The following PPP1R3E variants were observed in gnomAD, a reference collection of about 807,000 sequenced individuals.
The protein encoded by PPP1R3E is protein phosphatase 1, regulatory (inhibitor) subunit 3E.
PPP1R3E carries 20 observed loss-of-function variants against 18.5 expected under a neutral mutation model. That is an observed-to-expected ratio of 1.08 (90% CI 0.76 to 1.58). PPP1R3E has a LOEUF of 1.58. Ranked by LOEUF, PPP1R3E falls within the 40% of genes most tolerant of loss-of-function variation. The probability of loss-of-function intolerance (pLI) is 0.00; values close to 1 mark genes in which losing one functional copy is unlikely to be tolerated. For missense variants in PPP1R3E, 498 were observed against 460.2 expected, an observed-to-expected ratio of 1.08 and a Z score of -0.75; for synonymous variants, 208 against 208.1, an observed-to-expected ratio of 1.00 and a Z score of 0.00.
chr14:23,301,941 G>C, intron 1 of PPP1R3E, 83 bp from the exon 2 acceptor site: 1 of 1,337,976 alleles, frequency 7.5e-7, no homozygotes. Flanking sequence ...CAAGGCACTG[G>C]ACCAATCAGA....
In PPP1R3E at chr14:23,301,758, C is replaced by A; in HGVS notation, c.518G>T (p.Gly173Val). ...CLERAEAGPL[G>V]VAGSARVVDL... The stretch of plus-strand genomic sequence containing the variant: ...CACCACGCGCGCGCTCCCGGCCACG[C>A]CCAGCGGGCCCGCCTCGGCGCGTTC... The change falls in exon 2 of 5, where the codon GGC becomes GTC. Residue 173 changes from glycine (G) to valine (V), a missense_variant. Transcript: ENST00000452015. 2.1e-6 allele frequency: 3 copies of A among 1,423,224 alleles called. No individual in the cohort carries two copies. The highest frequency in any genetic ancestry group is 2.7e-6 in the Non-Finnish European group (3 of 1,092,222). 88.2% of individuals were successfully genotyped at this position (1,423,224 alleles called of 1,614,324 possible). A position where few individuals can be genotyped will look rare whatever the true frequency, so the allele number is the denominator to read the frequency against.
In PPP1R3E at chr14:23,302,753, C is replaced by G. The variant is rs1887082887; in HGVS notation, c.-177G>C. ...TCCTCCACCTCCCGTTGCTTTGCCT[C>G]TCCTCTGTGACCACCCTTCCCTCCC... On this transcript the variant is annotated 5_prime_UTR_variant, in exon 1 of 5. Transcript: ENST00000452015. The G allele has an allele frequency of 1.6e-6, 1 of 615,412 alleles. No individual in the cohort carries two copies. Among genetic ancestry groups the G allele is most frequent in the Admixed American group, 4.0e-5 (1 of 24,742 alleles). 38.1% of individuals were successfully genotyped at this position (615,412 alleles called of 1,614,324 possible).
In PPP1R3E at chr14:23,301,586, A is replaced by T; in HGVS notation, c.690T>A (p.Ile230=). ...GCAAGGCGAAGAGCAGGGCGCCCCC[A>T]ATCGGCGGCGCGGGCAGGCGGAAGG... ...RFAFRLPAPP[I]GGALLFALRY... Residue 230 remains isoleucine (I), a synonymous_variant, in exon 2 of 5, where the codon ATT becomes ATA. Transcript: ENST00000452015. 6.9e-7 allele frequency: 1 copy of T among 1,446,788 alleles called. No homozygotes were observed. Among genetic ancestry groups the T allele is most frequent in the Non-Finnish European group, 9.1e-7 (1 of 1,101,418 alleles). The allele number at this position is 1,446,788 out of a possible 1,614,324, so 89.6% of individuals were successfully genotyped here. A position where few individuals can be genotyped will look rare whatever the true frequency, so the allele number is the denominator to read the frequency against.
chr14:23,301,670 G>T lies in PPP1R3E; in HGVS notation c.606C>A (p.Arg202=), dbSNP rs1392768687. Residue 202 remains arginine, a synonymous_variant, in exon 2 of 5, where the codon CGC becomes CGA. Transcript: ENST00000452015. ...GACCGGCGTAGGCGGCTGGCGCCTCGCGTTGGCTCCGCCAGCCGTCGGCGC... is the reference window on the plus strand; with the variant it reads ...GACCGGCGTAGGCGGCTGGCGCCTCTCGTTGGCTCCGCCAGCCGTCGGCGC... The part of the protein sequence containing the change: ...RWSADGWRSQ[R]EAPAAYAGPA... 2.3e-6 allele frequency: 3 copies of T among 1,315,094 alleles called. No homozygotes were observed. The highest frequency in any genetic ancestry group is 3.2e-5 in the East Asian group (1 of 31,358). The allele number at this position is 1,315,094 out of a possible 1,614,324, so 81.5% of individuals were successfully genotyped here.
intron 3 of PPP1R3E, chr14:23,300,465 G>C (rs1022398720): frequency 6.6e-6 from 1 of 152,252 alleles, no homozygotes; most frequent in Non-Finnish European, 1.5e-5. Context: ...GGGGCACAAA[G>C]AAGTGAGAGG....
chr14:23,302,133 A>G (rs1433145123), intron 1 of PPP1R3E, 27 bp downstream of exon 1: 1 of 1,399,426 alleles, frequency 7.1e-7, no homozygotes, highest in South Asian at 1.6e-5. Context: ...GGAGGTCCCC[A>G]GGAGGGGAGG....
chr14:23,301,986 C>T, intron 1 of PPP1R3E, 128 bp from the exon 2 acceptor site: 1 of 1,263,814 alleles, frequency 7.9e-7, no homozygotes, highest in Non-Finnish European at 1.0e-6. Flanking sequence ...CAGAGTGCGG[C>T]CCAGCTGCCA....
At position 23,302,177 on chromosome 14, in the gene PPP1R3E, G is replaced by T; in HGVS notation, c.400C>A (p.Arg134Ser). ...ALRHFAPCQP[R>S]ARGLQEARAA... ...CCGCCTACCTGGAGGCCGCGGGCGC[G>T]GGGCTGGCAGGGCGCGAAGTGGCGG... Residue 134 changes from arginine to serine, a missense_variant, in exon 1 of 5, where the codon CGC becomes AGC. Arg to Ser is a moderately radical substitution (Grantham distance 110). Transcript: ENST00000452015. 1 of 1,419,876 alleles carries T rather than the reference G, an allele frequency of 7.0e-7. No individual in the cohort carries two copies. Among genetic ancestry groups the T allele is most frequent in the Non-Finnish European group, 9.1e-7 (1 of 1,093,544 alleles). The allele number at this position is 1,419,876 out of a possible 1,614,324, so 88.0% of individuals were successfully genotyped here.
At position 23,298,164 on chromosome 14, in the gene PPP1R3E, C is replaced by A. The variant is rs1886930982; in HGVS notation, c.*1140G>T. ...ATAGATGGGACACTGACACAGGAGA[C>A]AGCAGCAAACTCCTTCGAGTCACAG... On this transcript the variant is annotated 3_prime_UTR_variant, in exon 5 of 5. Transcript: ENST00000452015. 6.6e-6 allele frequency: 1 copy of A among 152,238 alleles called. No homozygotes were observed. Among genetic ancestry groups the A allele is most frequent in the African/African-American group, 2.4e-5 (1 of 41,454 alleles). The allele number at this position is 152,238 out of a possible 1,614,324, so 9.4% of individuals were successfully genotyped here. A position where few individuals can be genotyped will look rare whatever the true frequency, so the allele number is the denominator to read the frequency against.
At position 23,301,578 on chromosome 14, in the gene PPP1R3E, G is replaced by A; in HGVS notation, c.698C>T (p.Ala233Val). Residue 233 changes from alanine to valine, a missense_variant, in exon 2 of 5, where the codon GCC becomes GTC. Ala to Val is a moderately conservative substitution (Grantham distance 64, BLOSUM62 0). Coordinates refer to ENST00000452015, the MANE Select transcript of PPP1R3E (RefSeq NM_001276318.2). ...FRLPAPPIGG[A>V]LLFALRYRVT... is the part of the protein sequence containing the mutation. ...ACGGTAGCGCAAGGCGAAGAGCAGGGCGCCCCCAATCGGCGGCGCGGGCAG... is the reference window on the plus strand; with the variant it reads ...ACGGTAGCGCAAGGCGAAGAGCAGGACGCCCCCAATCGGCGGCGCGGGCAG... The A allele has an allele frequency of 7.6e-6, 11 of 1,456,404 alleles. No homozygotes were observed. Among genetic ancestry groups the A allele is most frequent in the Non-Finnish European group, 9.9e-6 (11 of 1,106,696 alleles). 90.2% of individuals were successfully genotyped at this position (1,456,404 alleles called of 1,614,324 possible). A position where few individuals can be genotyped will look rare whatever the true frequency, so the allele number is the denominator to read the frequency against.
chr14:23,295,663 T>C lies in PPP1R3E; in HGVS notation c.*3641A>G. 1 of 264,648 alleles carries C rather than the reference T, an allele frequency of 3.8e-6. No homozygotes were observed. The highest frequency in any genetic ancestry group is 7.1e-6 in the Non-Finnish European group (1 of 140,592). 16.4% of individuals were successfully genotyped at this position (264,648 alleles called of 1,614,324 possible). On this transcript the variant is annotated 3_prime_UTR_variant, in exon 5 of 5. Coordinates refer to ENST00000452015, the MANE Select transcript of PPP1R3E (RefSeq NM_001276318.2). Reference sequence around the variant, plus strand: ...GAAGTCAGGTGTTGTCAGTTTTCAATTTTCATTTGTGTGTGAATTTTTAAT... The same window carrying C: ...GAAGTCAGGTGTTGTCAGTTTTCAACTTTCATTTGTGTGTGAATTTTTAAT...
Position 23,302,820 on chromosome 14 carries a change from C to T in PPP1R3E, c.-244G>A, listed in dbSNP as rs1341627780. Reference sequence around the variant, plus strand: ...CAGGGTCTTAGACTATCACATCCTGCCTCCTGCTAGCGGTCTGCTCTGAGC... The same window carrying T: ...CAGGGTCTTAGACTATCACATCCTGTCTCCTGCTAGCGGTCTGCTCTGAGC... On this transcript the variant is annotated 5_prime_UTR_variant, in exon 1 of 5. Transcript: ENST00000452015. 49 of 461,188 alleles carry T rather than the reference C, an allele frequency of 1.1e-4. 2 individuals are homozygous for T. In the South Asian group the frequency reaches 1.9e-3, roughly 18 times the overall value. The allele number at this position is 461,188 out of a possible 1,614,324, so 28.6% of individuals were successfully genotyped here. A position where few individuals can be genotyped will look rare whatever the true frequency, so the allele number is the denominator to read the frequency against.
rs1887050629 is a variant in PPP1R3E at position 23,301,800 on chromosome 14, G to T, written c.476C>A (p.Thr159Lys). ...GGCGCGTTCCAGGCAGATGCGCTGC[G>T]TCAGCAAGCGGGCGGCGAAGCCGGG... ...SEPGFAARLLTQRICLERAEA... is the reference protein window; with the variant it reads ...SEPGFAARLLKQRICLERAEA... Residue 159 changes from threonine (T) to lysine (K), a missense_variant, in exon 2 of 5, where the codon ACG (threonine) becomes AAG (lysine). Thr to Lys is a moderately conservative substitution (Grantham distance 78). Transcript: ENST00000452015. The T allele has an allele frequency of 6.8e-7, 1 of 1,471,432 alleles. No individual in the cohort carries two copies. The highest frequency in any genetic ancestry group is 8.9e-7 in the Non-Finnish European group (1 of 1,119,796). 91.1% of individuals were successfully genotyped at this position (1,471,432 alleles called of 1,614,324 possible). A position where few individuals can be genotyped will look rare whatever the true frequency, so the allele number is the denominator to read the frequency against.
At chr14:23,299,955 C>T (rs7161630) in intron 3 of PPP1R3E, among the ~76,000 whole-genome samples, 102,723 of 131,398 alleles carry the variant, frequency 0.78, 42,776 homozygotes, top group East Asian at 0.96. Flanking sequence ...TTTTTACAAC[C>T]AAGTGGATTG....
Position 23,301,348 on chromosome 14 carries a change from G to A in PPP1R3E, c.*88C>T, listed in dbSNP as rs1887028469. 9.5e-6 allele frequency: 10 copies of A among 1,053,072 alleles called. No individual in the cohort carries two copies. Among genetic ancestry groups the A allele is most frequent in the Non-Finnish European group, 1.1e-5 (10 of 869,906 alleles). The allele number at this position is 1,053,072 out of a possible 1,614,324, so 65.2% of individuals were successfully genotyped here. A position where few individuals can be genotyped will look rare whatever the true frequency, so the allele number is the denominator to read the frequency against. On this transcript the variant is annotated 3_prime_UTR_variant, in exon 2 of 5. Coordinates refer to ENST00000452015, the MANE Select transcript of PPP1R3E (RefSeq NM_001276318.2). ...CCCTTGGACCGCTCCCGCCAATCCT[G>A]GTCTCTCCTACTCCTCCCCGCCACA...
intron 4 of PPP1R3E, among the ~76,000 whole-genome samples, 189 bp from the exon 5 acceptor site, chr14:23,299,106 C>G (rs1239532657): frequency 6.6e-6 from 1 of 152,160 alleles, no homozygotes; most frequent in East Asian, 1.9e-4. Flanking sequence ...GCTGGGACTA[C>G]AGGCATGAAT....
In PPP1R3E at chr14:23,295,914, A is replaced by AT. The variant is rs527715826; in HGVS notation, c.*3389dup. 49 of 152,764 alleles carry AT rather than the reference A, an allele frequency of 3.2e-4. No individual in the cohort carries two copies. The highest frequency in any genetic ancestry group is 3.4e-3 in the Middle Eastern group (1 of 294). The allele number at this position is 152,764 out of a possible 1,614,324, so 9.5% of individuals were successfully genotyped here. On this transcript the variant is annotated 3_prime_UTR_variant, in exon 5 of 5. Transcript: ENST00000452015. ...ACAATACTTCTGAATATCTTATGAC[A>AT]TACTTTCTTTTCATATTTCAACTTT...
Position 23,302,193 on chromosome 14 carries a change from G to C in PPP1R3E, c.384C>G (p.Phe128Leu). ...CGCGGGCGCGGGGCTGGCAGGGCGC[G>C]AAGTGGCGGAGGGCGTCCCTCTGCA... The part of the protein sequence containing the change: ...IQLQRDALRH[F>L]APCQPRARGL... Residue 128 changes from phenylalanine (F) to leucine (L), a missense_variant, in exon 1 of 5, where the codon TTC becomes TTG. By Grantham distance (22) the Phe-to-Leu change is conservative (BLOSUM62 0). Transcript: ENST00000452015. The C allele has an allele frequency of 2.1e-6, 3 of 1,445,274 alleles. No homozygotes were observed. The highest frequency in any genetic ancestry group is 1.8e-6 in the Non-Finnish European group (2 of 1,105,816). 89.5% of individuals were successfully genotyped at this position (1,445,274 alleles called of 1,614,324 possible).
In PPP1R3E at chr14:23,301,795, G is replaced by A; in HGVS notation, c.481C>T (p.Arg161Cys). ...GCCTCGGCGCGTTCCAGGCAGATGC[G>A]CTGCGTCAGCAAGCGGGCGGCGAAG... ...PGFAARLLTQRICLERAEAGP... is the reference protein window; with the variant it reads ...PGFAARLLTQCICLERAEAGP... Residue 161 changes from arginine (R) to cysteine (C), a missense_variant, in exon 2 of 5, where the codon CGC (arginine) becomes TGC (cysteine). By Grantham distance (180) the Arg-to-Cys change is radical. Coordinates refer to ENST00000452015, the MANE Select transcript of PPP1R3E (RefSeq NM_001276318.2). 2.0e-6 allele frequency: 3 copies of A among 1,471,054 alleles called. No homozygotes were observed. Among genetic ancestry groups the A allele is most frequent in the African/African-American group, 1.5e-5 (1 of 68,028 alleles). The allele number at this position is 1,471,054 out of a possible 1,614,324, so 91.1% of individuals were successfully genotyped here.
Sources: gnomAD v4.1 joint callset for allele counts (sites outside exome capture counted in the v4.1 genomes callset) on GRCh38, gnomAD v4.1.1 for gene constraint, MANE v1.5 for transcripts, NCBI Gene and HGNC (gene_info 2026-07-23, HGNC 2026-07-21) for gene names.